FRMPD4: variants seen among roughly 807,000 people sequenced by gnomAD.
FRMPD4 encodes FERM and PDZ domain-containing protein 4.
Under a neutral mutation model 94.1 loss-of-function variants are expected in FRMPD4, and 22 were observed. The observed-to-expected ratio is 0.23, with a 90% CI of 0.17 to 0.33. The LOEUF is 0.33. Among genes scored for constraint, FRMPD4 ranks in the 10% least tolerant of loss-of-function variants. The pLI, the probability that FRMPD4 is intolerant of heterozygous loss-of-function variation, is 1.00. For synonymous variants in FRMPD4, 631 were observed against 548.6 expected (o/e 1.15, Z -2.10); for missense variants, 1,111 against 1,339.9 (o/e 0.83, Z 2.67).
chrX:12,591,318 GTTC>G (rs766948679), intron 2 of FRMPD4, among the ~76,000 whole-genome samples: 3 of 112,277 alleles, frequency 2.7e-5, no homozygotes, highest in Non-Finnish European at 5.6e-5. Flanking sequence ...TCATCATAGA[GTTC>G]TTCATCCTCA....
chrX:12,410,981 T>G (rs999347196), intron 1 of FRMPD4, among the ~76,000 whole-genome samples: 2 of 112,030 alleles, frequency 1.8e-5, no homozygotes, highest in African/African-American at 6.5e-5. Context: ...TTCCTAAAAC[T>G]TCATCGCATT....
At chrX:12,394,984 T>C (rs1256543345) in intron 1 of FRMPD4, among the ~76,000 whole-genome samples, 1 of 112,043 alleles carries the variant, frequency 8.9e-6, no homozygotes, top group African/African-American at 3.3e-5. Context: ...GTGTACTTGG[T>C]TGGCATTTCC....
At chrX:12,265,135 T>C (rs778769313) in intron 1 of FRMPD4, among the ~76,000 whole-genome samples, 1 of 112,220 alleles carries the variant, frequency 8.9e-6, no homozygotes, top group African/African-American at 3.2e-5. Context: ...CTTGGAGTCA[T>C]CTGGGAACCT....
chrX:12,549,101 C>G (rs1393981448), intron 2 of FRMPD4, among the ~76,000 whole-genome samples: 1 of 111,604 alleles, frequency 9.0e-6, no homozygotes, highest in African/African-American at 3.3e-5. Context: ...TGGGAGAATA[C>G]TGATACAACT....
intron 1 of FRMPD4, among the ~76,000 whole-genome samples, chrX:12,338,389 A>G (rs1396707894): frequency 8.9e-6 from 1 of 112,206 alleles, no homozygotes; most frequent in African/African-American, 3.2e-5. Context: ...GAAAATAATC[A>G]TTCAACCATC....
At position 12,202,744 on chromosome X, in the gene FRMPD4, C is replaced by T. The variant is rs188142250; in HGVS notation, c.41+63732C>T. 9.5e-4 allele frequency among the ~76,000 whole-genome samples: 106 copies of T among 112,054 alleles called. No individual in the cohort carries two copies. The East Asian group carries it at 0.018, about 19-fold the overall frequency. The stretch of plus-strand genomic sequence containing the variant: ...TACTGGATTAAGGTAGACCCTAAAT[C>T]GATGTCTGGTGTCCTAATAAGAAGG... On this transcript the variant is annotated intron_variant, in intron 1 of 16. Coordinates refer to ENST00000675598, the MANE Select transcript of FRMPD4 (RefSeq NM_001368397.1).
intron 1 of FRMPD4, among the ~76,000 whole-genome samples, chrX:12,169,834 A>C (rs769970797): frequency 4.4e-5 from 5 of 112,663 alleles, no homozygotes; most frequent in African/African-American, 1.6e-4. Context: ...AACACATGAC[A>C]TATAGAACTT....
At chrX:12,205,399 C>T (rs2056680963) in intron 1 of FRMPD4, among the ~76,000 whole-genome samples, 2 of 111,771 alleles carry the variant, frequency 1.8e-5, no homozygotes, top group Non-Finnish European at 3.8e-5. Flanking sequence ...TATTTATATA[C>T]AATACATTTA....
chrX:12,203,021 C>G (rs902125729), intron 1 of FRMPD4, among the ~76,000 whole-genome samples: 21 of 111,857 alleles, frequency 1.9e-4, no homozygotes, highest in African/African-American at 6.8e-4. Flanking sequence ...GAATAAATTT[C>G]TGTTGTTTTA....
At chrX:12,051,203 A>G in intron 3 of FRMPD4, among the ~76,000 whole-genome samples, 1 of 112,112 alleles carries the variant, frequency 8.9e-6, no homozygotes, top group South Asian at 3.7e-4. Context: ...AGAATAATGC[A>G]ACTTTAGAGA....
intron 3 of FRMPD4, among the ~76,000 whole-genome samples, chrX:12,053,340 A>G (rs1210135327): frequency 2.0e-5 from 2 of 100,091 alleles, no homozygotes; most frequent in Non-Finnish European, 4.0e-5. Context: ...GAAAGAAAGA[A>G]AGAAAGAAAG....
chrX:12,274,487 A>G (rs1309475019), intron 1 of FRMPD4, among the ~76,000 whole-genome samples: 1 of 112,564 alleles, frequency 8.9e-6, no homozygotes, highest in Non-Finnish European at 1.9e-5. Flanking sequence ...CAAAGAAACA[A>G]CATGTTGACT....
intron 1 of FRMPD4, among the ~76,000 whole-genome samples, chrX:12,253,912 G>T (rs1397931613): frequency 9.0e-6 from 1 of 111,086 alleles, no homozygotes; most frequent in Non-Finnish European, 1.9e-5. Context: ...AATAATGTTT[G>T]TTGGGTTTTT....
intron 1 of FRMPD4, among the ~76,000 whole-genome samples, chrX:12,450,707 G>C (rs2057255072): frequency 9.1e-6 from 1 of 110,196 alleles, no homozygotes; most frequent in African/African-American, 3.3e-5. Flanking sequence ...TTGGATAGCA[G>C]CCAGCAAAAA....
intron 1 of FRMPD4, among the ~76,000 whole-genome samples, chrX:12,455,365 GTTA>G (rs1193435645): frequency 9.0e-6 from 1 of 111,532 alleles, no homozygotes; most frequent in Non-Finnish European, 1.9e-5. Flanking sequence ...GAACCAATTA[GTTA>G]TTGTTTAATT....
At chrX:12,341,642 G>C (rs1458408432) in intron 1 of FRMPD4, 1 of 329,674 alleles carries the variant, frequency 3.0e-6, no homozygotes, top group Non-Finnish European at 5.9e-6. Flanking sequence ...CAGCTGGTAA[G>C]TGACAGATCC....
intron 3 of FRMPD4, among the ~76,000 whole-genome samples, chrX:11,911,560 G>C (rs1011123654): frequency 2.7e-5 from 3 of 111,854 alleles, no homozygotes; most frequent in African/African-American, 9.8e-5. Context: ...AACTTCTTTG[G>C]CATAATTTTG....
At chrX:12,499,662 G>A (rs1408476340) in intron 2 of FRMPD4, among the ~76,000 whole-genome samples, 1 of 112,542 alleles carries the variant, frequency 8.9e-6, no homozygotes, top group Non-Finnish European at 1.9e-5. Context: ...TTAGCGTAAC[G>A]TTTTCAGGCT....
rs182961667 is a variant in FRMPD4 at position 11,989,527 on chromosome X, A to G, written c.95+111509A>G. Among the ~76,000 whole-genome samples, 329 of 110,445 alleles carry G rather than the reference A, an allele frequency of 3.0e-3. 1 individual carries two copies. The highest frequency in any genetic ancestry group is 9.8e-3 in the African/African-American group (298 of 30,406). The stretch of plus-strand genomic sequence containing the variant: ...GTGGGGAAGTGAGGGGGAAGTGAGG[A>G]TGGTTAATGGGCACAAAAAATAGAA... On this transcript the variant is annotated intron_variant, in intron 3 of 18. Coordinates refer to the FRMPD4 transcript ENST00000640291.
Sources: allele counts gnomAD v4.1 joint callset (sites outside exome capture counted in the v4.1 genomes callset), GRCh38; gene constraint gnomAD v4.1.1; transcripts MANE v1.5; gene names NCBI Gene and HGNC (gene_info 2026-07-23, HGNC 2026-07-21).